The following MIPOL1 variants were observed in gnomAD, a reference collection of about 807,000 sequenced individuals.
The protein encoded by MIPOL1 is mirror-image polydactyly gene 1 protein.
MIPOL1 carries 57 observed loss-of-function variants against 60.9 expected under a neutral mutation model. The observed-to-expected ratio is 0.94, with a 90% CI of 0.76 to 1.17. The LOEUF (loss-of-function observed/expected upper bound fraction) is 1.17. MIPOL1 is among the 50% of genes most tolerant of loss of function. The probability of loss-of-function intolerance (pLI) is 0.00; values close to 1 mark genes in which losing one functional copy is unlikely to be tolerated. For missense variants in MIPOL1, 551 were observed against 511.6 expected, an observed-to-expected ratio of 1.08 and a Z score of -0.74; for synonymous variants, 179 against 168.8, an observed-to-expected ratio of 1.06 and a Z score of -0.47.
chr14:37,516,353 CATTATG>C (rs565819395), intron 12 of MIPOL1, among the ~76,000 whole-genome samples: 1 of 152,106 alleles, frequency 6.6e-6, no homozygotes, highest in Non-Finnish European at 1.5e-5. Flanking sequence ...GTACAGTTTA[CATTATG>C]AAATAGAGGC....
intron 9 of MIPOL1, among the ~76,000 whole-genome samples, chr14:37,328,547 A>G (rs1361321440): frequency 6.6e-6 from 1 of 152,190 alleles, no homozygotes; most frequent in African/African-American, 2.4e-5. Context: ...AAATTCAAAC[A>G]TATAGTTTTT....
At chr14:37,407,812 G>A (rs1055581564) in intron 10 of MIPOL1, among the ~76,000 whole-genome samples, 1 of 127,400 alleles carries the variant, frequency 7.8e-6, no homozygotes, top group African/African-American at 2.9e-5. Flanking sequence ...CTCCCAGTAT[G>A]CTTTATTTTT....
At chr14:37,222,250 C>T (rs867138174) in intron 1 of MIPOL1, among the ~76,000 whole-genome samples, 32 of 150,476 alleles carry the variant, frequency 2.1e-4, no homozygotes, top group Non-Finnish European at 3.4e-4. Flanking sequence ...GATTGGGTCT[C>T]GCTCTGTCTC....
chr14:37,256,782 G>C (rs1164493395), intron 3 of MIPOL1, among the ~76,000 whole-genome samples: 1 of 147,534 alleles, frequency 6.8e-6, no homozygotes, highest in African/African-American at 2.5e-5. Context: ...TTTTTAATAG[G>C]ACTTTTGCTT....
intron 1 of MIPOL1, among the ~76,000 whole-genome samples, chr14:37,208,328 G>C (rs1966430465): frequency 6.6e-6 from 1 of 152,024 alleles, no homozygotes; most frequent in Non-Finnish European, 1.5e-5. Flanking sequence ...GTCTATTGAA[G>C]CATACCAGTT....
intron 7 of MIPOL1, among the ~76,000 whole-genome samples, chr14:37,297,641 A>C (rs1420651533): frequency 5.3e-5 from 8 of 152,178 alleles, no homozygotes; most frequent in Admixed American, 1.3e-4. Flanking sequence ...AAAAATCACA[A>C]GCATTCTTAT....
chr14:37,250,764 T>A (rs1973950889), intron 3 of MIPOL1, among the ~76,000 whole-genome samples: 1 of 152,122 alleles, frequency 6.6e-6, no homozygotes, highest in Admixed American at 6.6e-5. Context: ...TAGTATAATT[T>A]TACTAATTTT....
chr14:37,219,913 A>G (rs1362301260), intron 1 of MIPOL1, among the ~76,000 whole-genome samples: 1 of 152,122 alleles, frequency 6.6e-6, no homozygotes, highest in South Asian at 2.1e-4. Context: ...TAGTTTGAGT[A>G]ATATCTTTGT....
intron 11 of MIPOL1, among the ~76,000 whole-genome samples, chr14:37,450,642 T>G (rs1384035409): frequency 6.6e-6 from 1 of 152,142 alleles, no homozygotes; most frequent in East Asian, 1.9e-4. Context: ...TCTTTGGCTT[T>G]CATCTCTGAG....
intron 11 of MIPOL1, among the ~76,000 whole-genome samples, chr14:37,466,226 G>C (rs1196489270): frequency 6.6e-6 from 1 of 152,058 alleles, no homozygotes; most frequent in East Asian, 1.9e-4. Flanking sequence ...TTTTTAAGTT[G>C]GCATTTTACC....
intron 10 of MIPOL1, among the ~76,000 whole-genome samples, chr14:37,383,307 GAGT>G (rs2092975794): frequency 1.3e-5 from 2 of 151,726 alleles, no homozygotes; most frequent in Non-Finnish European, 2.9e-5. Context: ...TTTAAGTCCA[GAGT>G]CATTTTTGTG....
At chr14:37,490,732 G>A (rs569234423) in intron 11 of MIPOL1, among the ~76,000 whole-genome samples, 4 of 152,192 alleles carry the variant, frequency 2.6e-5, no homozygotes, top group African/African-American at 7.2e-5. Context: ...ACACTTCCCA[G>A]ATGAGGCAAC....
At chr14:37,494,040 G>C (rs559098138) in intron 11 of MIPOL1, among the ~76,000 whole-genome samples, 1 of 152,260 alleles carries the variant, frequency 6.6e-6, no homozygotes, top group Admixed American at 6.5e-5. Flanking sequence ...TGTCAGTTAA[G>C]GAAAGACCAT....
intron 11 of MIPOL1, among the ~76,000 whole-genome samples, chr14:37,469,343 A>C (rs1035138288): frequency 3.9e-5 from 6 of 152,086 alleles, no homozygotes; most frequent in African/African-American, 1.4e-4. Flanking sequence ...GGGGTGCTAC[A>C]TACTTTTAAA....
At chr14:37,539,066 G>A (rs2095519114) in intron 12 of MIPOL1, among the ~76,000 whole-genome samples, 3 of 152,234 alleles carry the variant, frequency 2.0e-5, no homozygotes, top group South Asian at 4.2e-4. Flanking sequence ...GCCGGGTGTG[G>A]TGGTGGGCGC....
At chr14:37,280,707 G>A (rs2084033196) in intron 6 of MIPOL1, among the ~76,000 whole-genome samples, 1 of 152,040 alleles carries the variant, frequency 6.6e-6, no homozygotes, top group Admixed American at 6.6e-5. Flanking sequence ...CGCCCAGGCT[G>A]GAGTGCAGTG....
chr14:37,396,197 T>G (rs1429214513), intron 10 of MIPOL1, among the ~76,000 whole-genome samples: 1 of 152,168 alleles, frequency 6.6e-6, no homozygotes, highest in Non-Finnish European at 1.5e-5. Flanking sequence ...ACCATTTGTT[T>G]GTCTGAAAAA....
chr14:37,401,105 A>G (rs1251948771), intron 10 of MIPOL1: 3 of 152,188 alleles, frequency 2.0e-5, no homozygotes, highest in Non-Finnish European at 4.4e-5. Context: ...GGACAAAAAT[A>G]TAAATAATGA....
chr14:37,335,379 A>T (rs2090031956), intron 9 of MIPOL1, among the ~76,000 whole-genome samples: 1 of 152,040 alleles, frequency 6.6e-6, no homozygotes, highest in East Asian at 1.9e-4. Flanking sequence ...TCATATTGCA[A>T]GACTTAAATT....
Sources: gnomAD v4.1 joint callset for allele counts (sites outside exome capture counted in the v4.1 genomes callset) on GRCh38, gnomAD v4.1.1 for gene constraint, MANE v1.5 for transcripts, NCBI Gene and HGNC (gene_info 2026-07-23, HGNC 2026-07-21) for gene names.